Variants in ENOX1 observed in about 807,000 individuals in gnomAD.
ENOX1 encodes the protein ecto-NOX disulfide-thiol exchanger 1, also known as candidate growth-related and time keeping constitutive hydroquinone (NADH) oxidase.
A neutral mutation model predicts 82.5 loss-of-function variants in ENOX1; 42 were observed. The observed-to-expected ratio is 0.51, with a 90% CI of 0.40 to 0.66. The LOEUF (loss-of-function observed/expected upper bound fraction) is 0.66, where lower values mean the gene tolerates loss of function less well. Ranked by LOEUF, ENOX1 falls within the 30% of genes least tolerant of loss-of-function variation. The probability of loss-of-function intolerance (pLI) is 0.00; values close to 1 mark genes in which losing one functional copy is unlikely to be tolerated. For missense variants in ENOX1, 608 were observed against 811.6 expected, an observed-to-expected ratio of 0.75 and a Z score of 3.05; for synonymous variants, 271 against 282.2, an observed-to-expected ratio of 0.96 and a Z score of 0.40.
intron 3 of ENOX1, among the ~76,000 whole-genome samples, chr13:43,457,609 C>T (rs1196748501): frequency 6.6e-6 from 1 of 152,048 alleles, no homozygotes; most frequent in Non-Finnish European, 1.5e-5. Context: ...AATAACTATA[C>T]TAAGAAAAGC....
At chr13:43,591,977 T>G (rs2081266069) in intron 2 of ENOX1, among the ~76,000 whole-genome samples, 1 of 151,664 alleles carries the variant, frequency 6.6e-6, no homozygotes, top group Non-Finnish European at 1.5e-5. Flanking sequence ...ACGACTCAGC[T>G]CCACAATGGG....
chr13:43,732,283 CCTAG>C (rs1465778101), intron 1 of ENOX1, among the ~76,000 whole-genome samples: 1 of 152,136 alleles, frequency 6.6e-6, no homozygotes, highest in Non-Finnish European at 1.5e-5. Flanking sequence ...AAAATTTTCT[CCTAG>C]CTTTTTGTCT....
At chr13:43,616,182 C>CTAGATA (rs1566642150) in intron 2 of ENOX1, among the ~76,000 whole-genome samples, 178 of 6,230 alleles carry the variant, frequency 0.029, 10 homozygotes, top group African/African-American at 0.056. Context: ...ATCTATCTAT[C>CTAGATA]TATCTATATA....
intron 2 of ENOX1, among the ~76,000 whole-genome samples, chr13:43,612,059 T>C (rs931615683): frequency 5.3e-5 from 8 of 152,186 alleles, no homozygotes; most frequent in African/African-American, 1.9e-4. Flanking sequence ...GTTAATAGCA[T>C]ATTATTAAAG....
chr13:43,707,593 C>T (rs1207860998), intron 1 of ENOX1, among the ~76,000 whole-genome samples: 2 of 151,692 alleles, frequency 1.3e-5, no homozygotes, highest in East Asian at 1.9e-4. Context: ...ATTAGCTGGG[C>T]GTGGTGGTGC....
intron 3 of ENOX1, among the ~76,000 whole-genome samples, chr13:43,470,696 T>G (rs2058032002): frequency 6.6e-6 from 1 of 151,684 alleles, no homozygotes; most frequent in African/African-American, 2.4e-5. Context: ...TAATCCAATT[T>G]AAAAATGGGA....
At chr13:43,541,173 G>GTTTTTTTTTTTTTTT (rs553504525) in intron 2 of ENOX1, among the ~76,000 whole-genome samples, 775 of 64,408 alleles carry the variant, frequency 0.012, 204 homozygotes, top group East Asian at 0.03. Flanking sequence ...TCTTCCCTCT[G>GTTTTTTTTTTTTTTT]TTTTTTTTTT....
intron 1 of ENOX1, among the ~76,000 whole-genome samples, chr13:43,772,267 CAAA>C (rs935371986): frequency 2.0e-5 from 3 of 152,088 alleles, no homozygotes; most frequent in African/African-American, 7.2e-5. Context: ...TCACGGTACT[CAAA>C]GAAGATAATC....
At chr13:43,475,309 T>G (rs2058234257) in intron 3 of ENOX1, among the ~76,000 whole-genome samples, 1 of 152,032 alleles carries the variant, frequency 6.6e-6, no homozygotes, top group African/African-American at 2.4e-5. Flanking sequence ...GCCTAAGCAG[T>G]GTGGAGATGG....
intron 1 of ENOX1, among the ~76,000 whole-genome samples, chr13:43,755,193 T>G (rs945218889): frequency 2.6e-5 from 4 of 152,236 alleles, no homozygotes. Context: ...AAAGGATTTT[T>G]GGTTAAACAT....
intron 5 of ENOX1, among the ~76,000 whole-genome samples, chr13:43,409,040 C>CAAA (rs11424006): frequency 1.0e-4 from 9 of 87,628 alleles, no homozygotes; most frequent in East Asian, 3.1e-4. Context: ...AAATATAAAC[C>CAAA]AAAAAAAAAA....
chr13:43,325,212 G>A (rs1448649889), intron 10 of ENOX1, among the ~76,000 whole-genome samples: 2 of 152,062 alleles, frequency 1.3e-5, no homozygotes, highest in Non-Finnish European at 2.9e-5. Context: ...AAAAATTAAA[G>A]AGAAATCCCA....
chr13:43,233,426 G>A (rs1464540100), intron 15 of ENOX1, among the ~76,000 whole-genome samples: 4 of 152,068 alleles, frequency 2.6e-5, no homozygotes, highest in Admixed American at 1.3e-4. Context: ...GAAATCCCAC[G>A]GATCCTCTCT....
intron 2 of ENOX1, among the ~76,000 whole-genome samples, chr13:43,654,629 G>C (rs1165793183): frequency 6.6e-6 from 1 of 152,186 alleles, no homozygotes; most frequent in East Asian, 1.9e-4. Context: ...TTGCAGTGCA[G>C]AATTTACTGG....
chr13:43,775,005 G>T (rs112545045), intron 1 of ENOX1, among the ~76,000 whole-genome samples: 40 of 152,010 alleles, frequency 2.6e-4, no homozygotes, highest in African/African-American at 9.2e-4. Context: ...CTGCCATCAT[G>T]CCCAGCTAAT....
At chr13:43,571,870 G>A (rs1261516526) in intron 2 of ENOX1, among the ~76,000 whole-genome samples, 1 of 152,112 alleles carries the variant, frequency 6.6e-6, no homozygotes, top group Non-Finnish European at 1.5e-5. Context: ...TTGTGTGTGT[G>A]TATATATCAG....
chr13:43,358,789 C>T (rs1291572663), intron 7 of ENOX1, among the ~76,000 whole-genome samples: 2 of 152,178 alleles, frequency 1.3e-5, no homozygotes, highest in Non-Finnish European at 2.9e-5. Context: ...ACCAGAACCC[C>T]CGTTGTCTAA....
At chr13:43,382,500 T>C (rs2052122110) in intron 5 of ENOX1, among the ~76,000 whole-genome samples, 2 of 152,186 alleles carry the variant, frequency 1.3e-5, no homozygotes, top group African/African-American at 2.4e-5. Flanking sequence ...AATAACTATA[T>C]TGAGTGAAAG....
At chr13:43,712,037 G>C (rs1277872265) in intron 1 of ENOX1, among the ~76,000 whole-genome samples, 2 of 151,388 alleles carry the variant, frequency 1.3e-5, no homozygotes, top group East Asian at 3.9e-4. Flanking sequence ...TTTTCTTCTA[G>C]GTTTTTTATG....
Sources: gnomAD v4.1 joint callset for allele counts (sites outside exome capture counted in the v4.1 genomes callset) on GRCh38, gnomAD v4.1.1 for gene constraint, MANE v1.5 for transcripts, NCBI Gene and HGNC (gene_info 2026-07-23, HGNC 2026-07-21) for gene names.